The following IL1R1 variants were observed in gnomAD, a reference collection of about 807,000 sequenced individuals.
The protein encoded by IL1R1 is interleukin-1 receptor type 1.
Under a neutral mutation model 50.2 loss-of-function variants are expected in IL1R1, and 22 were observed. The ratio of observed to expected loss-of-function variants is 0.44; its 90% CI spans 0.31 to 0.63. IL1R1 has a LOEUF of 0.63. Among genes scored for constraint, IL1R1 ranks in the 20% least tolerant of loss-of-function variants. The probability of loss-of-function intolerance (pLI) is 0.07; values close to 1 mark genes in which losing one functional copy is unlikely to be tolerated. For synonymous variants in IL1R1, 251 were observed against 236.7 expected, an observed-to-expected ratio of 1.06 and a Z score of -0.55; for missense variants, 509 against 676.2, an observed-to-expected ratio of 0.75 and a Z score of 2.74.
At chr2:102,090,212 C>G (rs10181737) in intron 1 of IL1R1, among the ~76,000 whole-genome samples, 30,218 of 150,270 alleles carry the variant, frequency 0.2, 3,553 homozygotes, top group East Asian at 0.52. Context: ...TCACCACCAC[C>G]ACCTACCATG....
intron 1 of IL1R1, among the ~76,000 whole-genome samples, chr2:102,099,320 T>C (rs759560180): frequency 3.3e-5 from 5 of 152,322 alleles, no homozygotes; most frequent in East Asian, 1.9e-4. Flanking sequence ...GCAGTTTCCA[T>C]TGGATGTTCG....
intron 5 of IL1R1, among the ~76,000 whole-genome samples, chr2:102,165,535 A>G (rs1578018286): frequency 1.3e-5 from 2 of 152,342 alleles, no homozygotes; most frequent in East Asian, 3.9e-4. Context: ...TGTAATTGAG[A>G]AAAGTACTAG....
chr2:102,116,220 C>G (rs1012728239), intron 1 of IL1R1, among the ~76,000 whole-genome samples: 6 of 152,202 alleles, frequency 3.9e-5, no homozygotes, highest in African/African-American at 1.4e-4. Flanking sequence ...TTGTTTGTCT[C>G]TCTTCAACCA....
chr2:102,143,363 C>T (rs967165405), intron 1 of IL1R1, among the ~76,000 whole-genome samples: 3 of 152,148 alleles, frequency 2.0e-5, no homozygotes, highest in African/African-American at 7.2e-5. Context: ...AGGTTAGGCT[C>T]AGGACCGTCA....
At chr2:102,137,240 C>T (rs1363589135) in intron 1 of IL1R1, among the ~76,000 whole-genome samples, 1 of 152,150 alleles carries the variant, frequency 6.6e-6, no homozygotes, top group Non-Finnish European at 1.5e-5. Flanking sequence ...GTGACACATT[C>T]CTGAGTACAG....
chr2:102,168,333 G>A (rs1559504726), intron 6 of IL1R1, among the ~76,000 whole-genome samples: 1 of 152,176 alleles, frequency 6.6e-6, no homozygotes, highest in Non-Finnish European at 1.5e-5. Flanking sequence ...GGGACCCAGG[G>A]TCCTGGTGAT....
At position 102,163,634 on chromosome 2, in the gene IL1R1, T is replaced by C. The variant is rs1684919637; in HGVS notation, c.62-1140T>C. Among the ~76,000 whole-genome samples, 7 of 152,248 alleles carry C rather than the reference T, an allele frequency of 4.6e-5. No individual in the cohort carries two copies. The South Asian group carries it at 1.4e-3, about 31-fold the overall frequency. ...ATCTTGAATAAATGGAATACAATAGTAATAAACTATTTTAATTTTTAAATT... is the reference window on the plus strand; with the variant it reads ...ATCTTGAATAAATGGAATACAATAGCAATAAACTATTTTAATTTTTAAATT... On this transcript the variant is annotated intron_variant, in intron 3 of 11. Transcript: ENST00000410023.
At chr2:102,117,781 A>C (rs983002915) in intron 1 of IL1R1, among the ~76,000 whole-genome samples, 2 of 152,084 alleles carry the variant, frequency 1.3e-5, no homozygotes, top group African/African-American at 2.4e-5. Context: ...TACATTGCCC[A>C]GTGTTCCGAG....
chr2:102,128,297 T>A (rs1177378906), intron 1 of IL1R1, among the ~76,000 whole-genome samples: 1 of 152,210 alleles, frequency 6.6e-6, no homozygotes, highest in Non-Finnish European at 1.5e-5. Context: ...CATTTGCTTA[T>A]TTGCATAGTA....
chr2:102,087,871 G>T (rs991129513), intron 1 of IL1R1, among the ~76,000 whole-genome samples: 1 of 152,208 alleles, frequency 6.6e-6, no homozygotes, highest in Non-Finnish European at 1.5e-5. Flanking sequence ...AATGTTCACA[G>T]CATCTTCACC....
intron 1 of IL1R1, 55 bp downstream of exon 1, chr2:102,143,075 C>T (rs1162134563): frequency 6.6e-6 from 1 of 152,330 alleles, no homozygotes; most frequent in Non-Finnish European, 1.5e-5. Flanking sequence ...GGACCACAGC[C>T]TTGACACCTT....
At chr2:102,112,724 T>C (rs1180089924) in intron 1 of IL1R1, among the ~76,000 whole-genome samples, 1 of 152,030 alleles carries the variant, frequency 6.6e-6, no homozygotes, top group Non-Finnish European at 1.5e-5. Context: ...TGGAAATAAA[T>C]ACTTTAATAG....
chr2:102,115,828 A>G (rs1266769625), intron 1 of IL1R1, among the ~76,000 whole-genome samples: 3 of 152,158 alleles, frequency 2.0e-5, no homozygotes, highest in Non-Finnish European at 4.4e-5. Context: ...CACATAGTAA[A>G]CATGGGTACA....
intron 1 of IL1R1, among the ~76,000 whole-genome samples, chr2:102,136,890 T>C (rs1559481115): frequency 6.6e-6 from 1 of 152,214 alleles, no homozygotes; most frequent in Non-Finnish European, 1.5e-5. Flanking sequence ...CAAGTATCTT[T>C]ACTAGTGGAG....
chr2:102,149,472 C>T (rs1388556512), intron 1 of IL1R1, among the ~76,000 whole-genome samples: 1 of 152,178 alleles, frequency 6.6e-6, no homozygotes, highest in Non-Finnish European at 1.5e-5. Flanking sequence ...CCTTGGCGGG[C>T]TCTGCTCTGC....
At chr2:102,145,203 G>A (rs1683010838) in intron 1 of IL1R1, among the ~76,000 whole-genome samples, 1 of 152,234 alleles carries the variant, frequency 6.6e-6, no homozygotes, top group Non-Finnish European at 1.5e-5. Context: ...CCATGGCACA[G>A]CTCCAGGATG....
intron 1 of IL1R1, among the ~76,000 whole-genome samples, chr2:102,076,969 T>C (rs889234876): frequency 5.3e-4 from 81 of 152,354 alleles, no homozygotes; most frequent in African/African-American, 1.6e-3. Context: ...AATTCATTAA[T>C]GCTCTGCTCA....
chr2:102,153,920 CAT>C lies in IL1R1; in HGVS notation c.-83-20_-83-19del, dbSNP rs1276768225. The C allele has an allele frequency of 1.3e-5, 2 of 152,490 alleles. No individual in the cohort carries two copies. Among genetic ancestry groups the C allele is most frequent in the African/African-American group, 2.4e-5 (1 of 41,572 alleles). The allele number at this position is 152,490 out of a possible 1,614,324, so 9.4% of individuals were successfully genotyped here. A position where few individuals can be genotyped will look rare whatever the true frequency, so the allele number is the denominator to read the frequency against. On this transcript the variant is annotated intron_variant, in intron 1 of 11. Coordinates refer to ENST00000410023, the MANE Select transcript of IL1R1 (RefSeq NM_000877.4). ...TAGACCTCTTCATTCACACTTCACT[CAT>C]GTGTTCTTCCTTCCCCAGGTAGACG...
At chr2:102,157,131 C>T (rs1187275298) in intron 2 of IL1R1, among the ~76,000 whole-genome samples, 6 of 151,962 alleles carry the variant, frequency 3.9e-5, no homozygotes, top group Non-Finnish European at 8.8e-5. Flanking sequence ...ATAGAAAGCC[C>T]CGACAAGGGG....
Sources: allele counts gnomAD v4.1 joint callset (sites outside exome capture counted in the v4.1 genomes callset), GRCh38; gene constraint gnomAD v4.1.1; transcripts MANE v1.5; gene names NCBI Gene and HGNC (gene_info 2026-07-23, HGNC 2026-07-21).